SHC4: variants seen among roughly 807,000 people sequenced by gnomAD.
The protein encoded by SHC4 is SHC-transforming protein 4.
A neutral mutation model predicts 69.4 loss-of-function variants in SHC4; 41 were observed. The ratio of observed to expected loss-of-function variants is 0.59; its 90% CI spans 0.46 to 0.77. The LOEUF is 0.77. SHC4 is among the 30% of genes least tolerant of loss of function. The pLI is 0.00. For synonymous variants in SHC4, 318 were observed against 299.3 expected (o/e 1.06, Z -0.64); for missense variants, 777 against 783.8 (o/e 0.99, Z 0.10).
At chr15:48,857,543 G>A (rs888355096) in intron 7 of SHC4, 149 bp downstream of exon 7, 7 of 572,474 alleles carry the variant, frequency 1.2e-5, no homozygotes, top group African/African-American at 9.7e-5. Flanking sequence ...TACTGAGACT[G>A]TGTCTATTTG....
chr15:48,880,625 A>C (rs1899922457), intron 4 of SHC4, among the ~76,000 whole-genome samples: 1 of 152,134 alleles, frequency 6.6e-6, no homozygotes, highest in Non-Finnish European at 1.5e-5. Context: ...GGTGGGAAAC[A>C]CTATTCCATC....
intron 8 of SHC4, 94 bp downstream of exon 8, chr15:48,855,859 T>C (rs1899302453): frequency 7.4e-7 from 1 of 1,346,138 alleles, no homozygotes; most frequent in African/African-American, 1.5e-5. Context: ...CAGGACTTTC[T>C]CTAAACTAGC....
chr15:48,880,945 A>G (rs1271224069), intron 4 of SHC4, among the ~76,000 whole-genome samples: 2 of 151,662 alleles, frequency 1.3e-5, no homozygotes, highest in Non-Finnish European at 1.5e-5. Context: ...AATTGGATGT[A>G]CCTTACAAAT....
At chr15:48,934,991 T>C (rs978021788) in intron 1 of SHC4, among the ~76,000 whole-genome samples, 1 of 152,188 alleles carries the variant, frequency 6.6e-6, no homozygotes, top group Non-Finnish European at 1.5e-5. Flanking sequence ...AAAAATGTTC[T>C]GTAATTGGTG....
intron 9 of SHC4, among the ~76,000 whole-genome samples, chr15:48,849,293 C>G (rs932331281): frequency 6.6e-6 from 1 of 152,130 alleles, no homozygotes; most frequent in Non-Finnish European, 1.5e-5. Flanking sequence ...CTCTCTGTGC[C>G]TGGATAATTC....
At chr15:48,925,207 T>TGGGGC (rs1363498483) in intron 1 of SHC4, among the ~76,000 whole-genome samples, 6 of 152,232 alleles carry the variant, frequency 3.9e-5, no homozygotes, top group African/African-American at 1.2e-4. Flanking sequence ...GTTCAGTGGT[T>TGGGGC]AAGATCATGG....
At chr15:48,892,047 G>A (rs1900146569) in intron 2 of SHC4, among the ~76,000 whole-genome samples, 1 of 151,980 alleles carries the variant, frequency 6.6e-6, no homozygotes, top group African/African-American at 2.4e-5. Context: ...AGTAGAGATG[G>A]GGTTTCACCG....
At chr15:48,937,152 T>A (rs925390192) in intron 1 of SHC4, among the ~76,000 whole-genome samples, 2 of 152,258 alleles carry the variant, frequency 1.3e-5, no homozygotes, top group Non-Finnish European at 2.9e-5. Flanking sequence ...ATATTCTGTT[T>A]AGTCGCAAAA....
rs73402232 is a variant in SHC4 at position 48,918,131 on chromosome 15, A to G, written c.656+6748T>C. Among the ~76,000 whole-genome samples the G allele has an allele frequency of 5.2e-3, 791 of 152,312 alleles. 7 individuals carry two copies. The highest frequency in any genetic ancestry group is 0.019 in the African/African-American group (771 of 41,552). On this transcript the variant is annotated intron_variant, in intron 2 of 11. Transcript: ENST00000332408. ...AGAGATAGCTATGATCACACAAAAT[A>G]CAGTTTTTTCTTGTGAAATCCTAAC...
At chr15:48,952,753 A>C (rs1901386204) in intron 1 of SHC4, among the ~76,000 whole-genome samples, 1 of 152,200 alleles carries the variant, frequency 6.6e-6, no homozygotes, top group Non-Finnish European at 1.5e-5. Flanking sequence ...TGGTTATTAA[A>C]ATGTCAAAAA....
At chr15:48,953,223 G>A (rs552041414) in intron 1 of SHC4, among the ~76,000 whole-genome samples, 4 of 152,164 alleles carry the variant, frequency 2.6e-5, no homozygotes, top group African/African-American at 4.8e-5. Flanking sequence ...TGATGAGAAC[G>A]CATGGACATA....
At chr15:48,863,204 A>C (rs1006221233) in intron 6 of SHC4, among the ~76,000 whole-genome samples, 25 of 152,224 alleles carry the variant, frequency 1.6e-4, no homozygotes, top group African/African-American at 5.5e-4. Context: ...AAAGGCACCA[A>C]GAAGAAATAA....
chr15:48,954,712 A>G (rs939786143), intron 1 of SHC4, among the ~76,000 whole-genome samples: 1 of 152,202 alleles, frequency 6.6e-6, no homozygotes, highest in African/African-American at 2.4e-5. Context: ...GGGAGAAAGT[A>G]TGCCAAAGGA....
chr15:48,893,223 A>C (rs139445223), intron 2 of SHC4, among the ~76,000 whole-genome samples: 3 of 152,312 alleles, frequency 2.0e-5, no homozygotes, highest in East Asian at 1.9e-4. Context: ...CTAGACAGAC[A>C]GAAGAACATA....
chr15:48,848,513 A>G (rs1899141796), intron 9 of SHC4, among the ~76,000 whole-genome samples: 2 of 152,216 alleles, frequency 1.3e-5, no homozygotes, highest in South Asian at 4.1e-4. Flanking sequence ...GCAAACCAGA[A>G]TAGTAGAATA....
chr15:48,866,491 C>T (rs1323491314), intron 6 of SHC4, among the ~76,000 whole-genome samples: 1 of 152,166 alleles, frequency 6.6e-6, no homozygotes, highest in Non-Finnish European at 1.5e-5. Context: ...ATCACAATAG[C>T]TTCCAAATGG....
intron 9 of SHC4, among the ~76,000 whole-genome samples, chr15:48,843,896 C>G (rs577314878): frequency 6.8e-6 from 1 of 146,140 alleles, no homozygotes; most frequent in African/African-American, 2.5e-5. Context: ...AGAAAGAGGG[C>G]TGATAGTCTC....
At chr15:48,881,435 C>A (rs1436403310) in intron 4 of SHC4, among the ~76,000 whole-genome samples, 2 of 150,720 alleles carry the variant, frequency 1.3e-5, no homozygotes, top group East Asian at 3.9e-4. Flanking sequence ...TTTGCCAAGT[C>A]CCTCAGTGTT....
chr15:48,823,962 T>G lies in SHC4; in HGVS notation c.*2009A>C, dbSNP rs1055699593. The G allele has an allele frequency of 8.5e-5, 13 of 152,370 alleles. 1 individual carries two copies. The highest frequency in any genetic ancestry group is 6.5e-4 in the Admixed American group (10 of 15,306). The allele number at this position is 152,370 out of a possible 1,614,324, so 9.4% of individuals were successfully genotyped here. Reference sequence around the variant, plus strand: ...AATACTGATTATCCATGTGTACTGCTGACACCATTTACAGTCATTGCATCT... The same window carrying G: ...AATACTGATTATCCATGTGTACTGCGGACACCATTTACAGTCATTGCATCT... On this transcript the variant is annotated 3_prime_UTR_variant, in exon 12 of 12. Coordinates refer to ENST00000332408, the MANE Select transcript of SHC4 (RefSeq NM_203349.4).
Sources: gnomAD v4.1 joint callset for allele counts (sites outside exome capture counted in the v4.1 genomes callset) on GRCh38, gnomAD v4.1.1 for gene constraint, MANE v1.5 for transcripts, NCBI Gene and HGNC (gene_info 2026-07-23, HGNC 2026-07-21) for gene names.